The following PKD1 variants were observed in gnomAD, a reference collection of about 807,000 sequenced individuals.
PKD1 encodes polycystin 1, transient receptor potential channel interacting.
A neutral mutation model predicts 361.7 loss-of-function variants in PKD1; 81 were observed. That is an observed-to-expected ratio of 0.22 (90% CI 0.19 to 0.27). The LOEUF (loss-of-function observed/expected upper bound fraction) is 0.27, where lower values mean the gene tolerates loss of function less well. PKD1 is among the 10% of genes least tolerant of loss of function. PKD1 has a pLI of 1.00. For missense variants in PKD1, 6,399 were observed against 6,118.3 expected, an observed-to-expected ratio of 1.05 and a Z score of -1.53; for synonymous variants, 3,615 against 2,818.3, an observed-to-expected ratio of 1.28 and a Z score of -8.95.
At chr16:2,091,680 C>T in intron 41 of PKD1, 83 bp from the exon 42 acceptor site, 2 of 1,561,652 alleles carry the variant, frequency 1.3e-6, no homozygotes, top group South Asian at 1.2e-5. Flanking sequence ...GGCTGAGGGG[C>T]TGTGGAAGCC....
chr16:2,102,873 G>A lies in PKD1; in HGVS notation c.8889C>T (p.Ile2963=), dbSNP rs2092155057. ...NEHNCSASRR[I]RPESLQGADH... ...CAGCACCCTGGAGTGACTCTGGGCG[G>A]ATCCTCCTGCTAGCCGAGCAGTTGT... The change falls in exon 24 of 46, where the codon ATC becomes ATT. Residue 2963 remains isoleucine, a synonymous_variant. Coordinates refer to ENST00000262304, the MANE Select transcript of PKD1 (RefSeq NM_001009944.3). 1 of 1,610,218 alleles carries A rather than the reference G, an allele frequency of 6.2e-7. No individual in the cohort carries two copies. Among genetic ancestry groups the A allele is most frequent in the Non-Finnish European group, 8.5e-7 (1 of 1,179,740 alleles).
rs1214887689 is a variant in PKD1, at chr16:2,105,150, G to A, written c.8016+172C>T. ...CGAGAGGCACCCTGCGTTCACACAGGACAGAACGGCTGAGGCTACTGAAGC... is the reference window on the plus strand; with the variant it reads ...CGAGAGGCACCCTGCGTTCACACAGAACAGAACGGCTGAGGCTACTGAAGC... On this transcript the variant is annotated intron_variant, in intron 21 of 45. Coordinates refer to ENST00000262304, the MANE Select transcript of PKD1 (RefSeq NM_001009944.3). Among the ~76,000 whole-genome samples the A allele has an allele frequency of 3.3e-5, 5 of 149,424 alleles. 1 individual carries two copies. In the South Asian group the frequency reaches 6.3e-4, roughly 19 times the overall value.
intron 1 of PKD1, among the ~76,000 whole-genome samples, chr16:2,131,371 C>T (rs2092876863): frequency 6.6e-6 from 1 of 152,064 alleles, no homozygotes; most frequent in Non-Finnish European, 1.5e-5. Flanking sequence ...ATTAGCTGGG[C>T]ATGGTGGCGG....
At chr16:2,120,196 G>A (rs534580403) in intron 1 of PKD1, 3 of 326,876 alleles carry the variant, frequency 9.2e-6, no homozygotes, top group Admixed American at 4.5e-5. Context: ...TGGGTGAAAC[G>A]GCGAGACTCT....
rs1314556243 is a variant in PKD1 at position 2,088,874 on chromosome 16, C to CGT, written c.*852_*853insAC. On this transcript the variant is annotated 3_prime_UTR_variant, in exon 46 of 46. Coordinates refer to ENST00000262304, the MANE Select transcript of PKD1 (RefSeq NM_001009944.3). ...GGGCCATACAGCACACTCGCGCGTG[C>CGT]GCGCGCGCACACACACACACACACA... is the stretch of plus-strand genomic sequence containing the variant. 8.4e-5 allele frequency: 40 copies of CGT among 473,790 alleles called. No homozygotes were observed. In the African/African-American group the frequency reaches 9.2e-4, roughly 11 times the overall value. 29.3% of individuals were successfully genotyped at this position (473,790 alleles called of 1,614,324 possible).
intron 1 of PKD1, among the ~76,000 whole-genome samples, chr16:2,126,015 G>GC (rs1333224544): frequency 3.4e-4 from 52 of 150,936 alleles, no homozygotes; most frequent in Admixed American, 5.9e-4. Flanking sequence ...GGGGGGGGGG[G>GC]CAAGCAAACT....
intron 1 of PKD1, among the ~76,000 whole-genome samples, chr16:2,128,428 C>CCCG (rs1227731645): frequency 6.6e-6 from 1 of 151,596 alleles, no homozygotes; most frequent in Non-Finnish European, 1.5e-5. Context: ...CACATCGCAG[C>CCCG]CCGACTCGGA....
intron 26 of PKD1, 171 bp downstream of exon 26, chr16:2,101,890 G>C (rs1008969594): frequency 3.4e-4 from 216 of 643,168 alleles, no homozygotes; most frequent in Middle Eastern, 4.0e-4. Flanking sequence ...CTAGTCCTCA[G>C]GGACAGTGAG....
chr16:2,113,955 T>C, intron 11 of PKD1: 1 of 597,668 alleles, frequency 1.7e-6, no homozygotes, highest in South Asian at 2.0e-5. Flanking sequence ...GACAGTGGAA[T>C]GAGTTAGCGG....
chr16:2,098,459 C>A (rs1200176229), intron 30 of PKD1, among the ~76,000 whole-genome samples: 2 of 149,606 alleles, frequency 1.3e-5, no homozygotes, highest in Admixed American at 1.3e-4. Context: ...GATCTGCCCG[C>A]CTCCGCCTCC....
chr16:2,121,036 G>A (rs1285012158), intron 1 of PKD1, among the ~76,000 whole-genome samples: 1 of 151,408 alleles, frequency 6.6e-6, no homozygotes, highest in Non-Finnish European at 1.5e-5. Flanking sequence ...AAAAAGAAAA[G>A]AAAAGAAAGA....
chr16:2,133,977 G>A (rs1431894718), intron 1 of PKD1, among the ~76,000 whole-genome samples: 1 of 149,760 alleles, frequency 6.7e-6, no homozygotes, highest in East Asian at 1.9e-4. Context: ...AGCTCCTGAG[G>A]GGCTGCTCTC....
intron 30 of PKD1, 56 bp downstream of exon 30, chr16:2,099,588 G>A: frequency 2.0e-5 from 30 of 1,525,436 alleles, no homozygotes; most frequent in Non-Finnish European, 2.6e-5. Flanking sequence ...CCCTAGGCAT[G>A]GTGCCGAGGC....
chr16:2,119,837 G>C, intron 1 of PKD1: 1 of 699,314 alleles, frequency 1.4e-6, no homozygotes, highest in Non-Finnish European at 2.6e-6. Context: ...AGGTATGACT[G>C]TGTGAGAAGC....
intron 1 of PKD1, among the ~76,000 whole-genome samples, chr16:2,126,005 G>A (rs1019225916): frequency 8.8e-6 from 1 of 113,096 alleles, no homozygotes; most frequent in Non-Finnish European, 1.7e-5. Context: ...AGAGGATGGT[G>A]GGGGGGGGGG....
chr16:2,118,068 T>C lies in PKD1; in HGVS notation c.924A>G (p.Gly308=), dbSNP rs1332472117. 1 of 1,606,214 alleles carries C rather than the reference T, an allele frequency of 6.2e-7. No individual in the cohort carries two copies. The change falls in exon 5 of 46, where the codon GGA becomes GGG. Residue 308 remains glycine, a synonymous_variant. Transcript: ENST00000262304. This position sits in a 1 kb window ranked among gnomAD's most constrained non-coding sequence, Gnocchi z 6.0. ...LPVTATRWDF[G]DGSAEVDAAG... is the part of the protein sequence containing the mutation. ...CGGCATCCACCTCGGCGGAGCCGTC[T>C]CCGAAGTCCCAGCGTGTGGCAGTGA...
At chr16:2,129,535 C>A (rs1293041667) in intron 1 of PKD1, among the ~76,000 whole-genome samples, 3 of 146,744 alleles carry the variant, frequency 2.0e-5, no homozygotes, top group Admixed American at 6.8e-5. Flanking sequence ...CTGTTCAGAT[C>A]CTGTGATTTT....
rs1238446180 is a variant in PKD1, at chr16:2,099,954, C to T, written c.9830G>A (p.Arg3277His). The T allele has an allele frequency of 3.8e-6, 6 of 1,563,210 alleles. No individual in the cohort carries two copies. The highest frequency in any genetic ancestry group is 2.4e-5 in the East Asian group (1 of 42,180). Residue 3277 changes from arginine (R) to histidine (H), a missense_variant, in exon 29 of 46, where the codon CGC becomes CAC. Coordinates refer to ENST00000262304, the MANE Select transcript of PKD1 (RefSeq NM_001009944.3). ...WDRPPRSRFTRIQRATCCVLL... is the reference protein window; with the variant it reads ...WDRPPRSRFTHIQRATCCVLL... ...AACGCAGCAGGTGGCCCTCTGGATG[C>T]GAGTGAAACGGCTACGAGGCGGCCG...
intron 32 of PKD1, 60 bp from the exon 33 acceptor site, chr16:2,097,563 C>T (rs1214388914): frequency 7.2e-5 from 115 of 1,604,700 alleles, no homozygotes; most frequent in Middle Eastern, 4.5e-4. Context: ...AGCCCACCCC[C>T]GTCCAGTCAC....
Sources: gnomAD v4.1 joint callset for allele counts (sites outside exome capture counted in the v4.1 genomes callset) on GRCh38, gnomAD v4.1.1 for gene constraint, Gnocchi (gnomAD v3.1) non-coding constraint, MANE v1.5 for transcripts, NCBI Gene and HGNC (gene_info 2026-07-23, HGNC 2026-07-21) for gene names.